Variants in PCNX2 observed in about 807,000 individuals in gnomAD.
PCNX2 encodes pecanex 2.
Under a neutral mutation model 223.8 loss-of-function variants are expected in PCNX2, and 168 were observed. The observed-to-expected ratio is 0.75, with a 90% CI of 0.66 to 0.85. PCNX2 has a LOEUF of 0.85. Among genes scored for constraint, PCNX2 ranks in the 40% least tolerant of loss-of-function variants. The pLI, the probability that PCNX2 is intolerant of heterozygous loss-of-function variation, is 0.00. For synonymous variants in PCNX2, 1,006 were observed against 1,052.6 expected, an observed-to-expected ratio of 0.96 and a Z score of 0.86; for missense variants, 2,507 against 2,675.5, an observed-to-expected ratio of 0.94 and a Z score of 1.39.
chr1:233,100,196 A>G (rs921414616), intron 21 of PCNX2, among the ~76,000 whole-genome samples: 2 of 152,128 alleles, frequency 1.3e-5, no homozygotes, highest in African/African-American at 4.8e-5. Context: ...GCAGATCACC[A>G]GAGGTCAGGA....
chr1:233,163,207 C>T (rs965275662), intron 17 of PCNX2, among the ~76,000 whole-genome samples: 2 of 152,032 alleles, frequency 1.3e-5, no homozygotes, highest in Admixed American at 6.6e-5. Flanking sequence ...CAACTTAGGC[C>T]GGGCGCTGTG....
At chr1:233,192,066 C>T (rs773273790) in intron 15 of PCNX2, among the ~76,000 whole-genome samples, 11 of 152,150 alleles carry the variant, frequency 7.2e-5, no homozygotes, top group African/African-American at 1.4e-4. Flanking sequence ...TTTCATTTTC[C>T]TCTCTTCCTG....
At chr1:233,163,064 A>G (rs1181887386) in intron 17 of PCNX2, among the ~76,000 whole-genome samples, 3 of 152,178 alleles carry the variant, frequency 2.0e-5, no homozygotes, top group Non-Finnish European at 4.4e-5. Context: ...TATCCCGTGT[A>G]AATACAGACC....
intron 23 of PCNX2, among the ~76,000 whole-genome samples, chr1:233,072,724 C>G (rs567125826): frequency 6.6e-6 from 1 of 152,058 alleles, no homozygotes; most frequent in Non-Finnish European, 1.5e-5. Flanking sequence ...TTAAACCACC[C>G]TAGCATTCTC....
chr1:233,318,559 TTTTC>T, the PCNX2 span, among the ~76,000 whole-genome samples: 197 of 117,804 alleles, frequency 1.7e-3, no homozygotes, highest in East Asian at 8.4e-3. Context: ...TTCTTTTTCT[TTTTC>T]TTTTTTTTTT....
chr1:233,061,737 T>A (rs1672411960), intron 23 of PCNX2, among the ~76,000 whole-genome samples: 1 of 152,094 alleles, frequency 6.6e-6, no homozygotes, highest in Admixed American at 6.5e-5. Context: ...TTTATATTTA[T>A]TTTTGTTGTT....
intron 8 of PCNX2, 141 bp downstream of exon 8, chr1:233,250,598 T>C (rs1009954539): frequency 9.8e-6 from 13 of 1,325,294 alleles, no homozygotes; most frequent in Non-Finnish European, 1.3e-5. Flanking sequence ...ATTTCCTTTT[T>C]CTTTCATACA....
At chr1:233,276,184 T>C (rs1339224081) in intron 1 of PCNX2, among the ~76,000 whole-genome samples, 1 of 152,174 alleles carries the variant, frequency 6.6e-6, no homozygotes, top group African/African-American at 2.4e-5. Flanking sequence ...TGAATGAACC[T>C]TGAGGATGTT....
chr1:233,169,885 AATG>A (rs1299514090), intron 17 of PCNX2, among the ~76,000 whole-genome samples: 7 of 152,114 alleles, frequency 4.6e-5, no homozygotes, highest in Admixed American at 2.0e-4. Context: ...GAAAAAAAAA[AATG>A]ATTTCACTAC....
upstream of PCNX2, among the ~76,000 whole-genome samples, chr1:233,298,313 A>G (rs1572225262): frequency 6.6e-6 from 1 of 152,256 alleles, no homozygotes; most frequent in Non-Finnish European, 1.5e-5. Context: ...GTCAAGTGCC[A>G]TAGAAGAGGC....
At chr1:233,187,005 C>T (rs1157154619) in intron 15 of PCNX2, among the ~76,000 whole-genome samples, 1 of 152,172 alleles carries the variant, frequency 6.6e-6, no homozygotes, top group African/African-American at 2.4e-5. Flanking sequence ...ATTTTTGTAG[C>T]ACACCTTTTA....
chr1:233,244,491 C>T (rs965216839), intron 8 of PCNX2, among the ~76,000 whole-genome samples: 1 of 152,110 alleles, frequency 6.6e-6, no homozygotes, highest in East Asian at 1.9e-4. Flanking sequence ...GGGCAAATCA[C>T]TTTGAGGCCA....
the PCNX2 span, among the ~76,000 whole-genome samples, chr1:233,302,440 A>G: frequency 2.0e-5 from 3 of 152,022 alleles, no homozygotes. Context: ...TTTCATGATT[A>G]TTCATTAGGA....
At chr1:233,265,456 C>A (rs1442499535) in intron 1 of PCNX2, among the ~76,000 whole-genome samples, 1 of 152,146 alleles carries the variant, frequency 6.6e-6, no homozygotes, top group African/African-American at 2.4e-5. Context: ...CTGGCTTAGA[C>A]AATTATGAGC....
intron 15 of PCNX2, among the ~76,000 whole-genome samples, chr1:233,183,176 A>G (rs1382592813): frequency 2.0e-5 from 3 of 152,158 alleles, no homozygotes; most frequent in Non-Finnish European, 4.4e-5. Flanking sequence ...CTGATGGCAC[A>G]ATCCCCTTCA....
intron 26 of PCNX2, among the ~76,000 whole-genome samples, chr1:233,019,988 G>A (rs1670823881): frequency 6.6e-6 from 1 of 152,194 alleles, no homozygotes; most frequent in Non-Finnish European, 1.5e-5. Flanking sequence ...CTAGTGAACA[G>A]CTGGTCTAGT....
chr1:233,088,566 C>A (rs751679066), intron 23 of PCNX2, among the ~76,000 whole-genome samples: 1 of 152,112 alleles, frequency 6.6e-6, no homozygotes, highest in East Asian at 1.9e-4. Flanking sequence ...AATGAGCAGC[C>A]TTGTTATGTG....
chr1:233,056,855 G>A (rs1172013619), intron 24 of PCNX2, among the ~76,000 whole-genome samples: 1 of 152,110 alleles, frequency 6.6e-6, no homozygotes, highest in African/African-American at 2.4e-5. Flanking sequence ...CTAGATCCTG[G>A]ATCATGGAAT....
intron 13 of PCNX2, among the ~76,000 whole-genome samples, chr1:233,201,206 T>C (rs1681092870): frequency 4.0e-5 from 6 of 151,780 alleles, no homozygotes. Context: ...TTTTATGTCA[T>C]GAACATGGCT....
Sources: allele counts gnomAD v4.1 joint callset (sites outside exome capture counted in the v4.1 genomes callset), GRCh38; gene constraint gnomAD v4.1.1; transcripts MANE v1.5; gene names NCBI Gene and HGNC (gene_info 2026-07-23, HGNC 2026-07-21).